Variants in MRPS5 observed in about 807,000 individuals in gnomAD.
The protein encoded by MRPS5 is mitochondrial ribosomal protein S5.
In MRPS5, 27 loss-of-function variants were observed where a neutral mutation model predicts 51.9. That is an observed-to-expected ratio of 0.52 (90% CI 0.38 to 0.72). The LOEUF (loss-of-function observed/expected upper bound fraction) is 0.72, where lower values mean the gene tolerates loss of function less well. MRPS5 is among the 30% of genes least tolerant of loss of function. The pLI is 0.00. For synonymous variants in MRPS5, 196 were observed against 193.2 expected (o/e 1.01, Z -0.12); for missense variants, 570 against 545.7 (o/e 1.04, Z -0.44).
intron 1 of MRPS5, among the ~76,000 whole-genome samples, chr2:95,121,247 C>G (rs1676438554): frequency 6.6e-6 from 1 of 152,240 alleles, no homozygotes; most frequent in Non-Finnish European, 1.5e-5. Flanking sequence ...TTAAAATACA[C>G]ATATTCGGGC....
chr2:95,111,010 G>C (rs1676102095), intron 3 of MRPS5, among the ~76,000 whole-genome samples: 1 of 152,106 alleles, frequency 6.6e-6, no homozygotes, highest in Admixed American at 6.5e-5. Flanking sequence ...TGATCCTCCA[G>C]GTAGATAACA....
chr2:95,115,440 A>G (rs1302855229), intron 2 of MRPS5, among the ~76,000 whole-genome samples: 1 of 152,190 alleles, frequency 6.6e-6, no homozygotes, highest in South Asian at 2.1e-4. Context: ...TGGGTAAAGA[A>G]AGAAGCAGAT....
chr2:95,104,609 CGCCACT>C (rs750177836), intron 7 of MRPS5, 25 bp downstream of exon 7: 1 of 1,609,312 alleles, frequency 6.2e-7, no homozygotes. Flanking sequence ...TGCACACCAC[CGCCACT>C]GTGATGCCAT....
intron 6 of MRPS5, among the ~76,000 whole-genome samples, chr2:95,106,212 C>A (rs1315996933): frequency 2.0e-5 from 3 of 152,194 alleles, no homozygotes; most frequent in Admixed American, 6.5e-5. Context: ...TCAGTGGTAG[C>A]TCCCCGCCCC....
chr2:95,094,523 A>G (rs1675563760), intron 10 of MRPS5, among the ~76,000 whole-genome samples: 2 of 152,240 alleles, frequency 1.3e-5, no homozygotes. Flanking sequence ...CCATCAGACT[A>G]ACAGCGGATC....
intron 11 of MRPS5, among the ~76,000 whole-genome samples, chr2:95,088,882 C>A (rs1194237057): frequency 6.6e-6 from 1 of 152,164 alleles, no homozygotes; most frequent in Non-Finnish European, 1.5e-5. Flanking sequence ...GCCTGACCAA[C>A]ATGGTGAAAC....
At chr2:95,105,763 T>C (rs1675930975) in intron 6 of MRPS5, among the ~76,000 whole-genome samples, 1 of 152,166 alleles carries the variant, frequency 6.6e-6, no homozygotes, top group Non-Finnish European at 1.5e-5. Context: ...ACCAAAGACA[T>C]AATATGTGTA....
intron 10 of MRPS5, chr2:95,092,188 T>C (rs1244567080): frequency 1.3e-5 from 2 of 152,238 alleles, no homozygotes; most frequent in Admixed American, 1.3e-4. Flanking sequence ...TTTGACTACC[T>C]TCCAGGCACA....
At chr2:95,104,569 C>T (rs1675894326) in intron 7 of MRPS5, 71 bp downstream of exon 7, 2 of 1,523,126 alleles carry the variant, frequency 1.3e-6, no homozygotes, top group Non-Finnish European at 9.1e-7. Context: ...CCCATGGGCT[C>T]CACAGCATGG....
intron 5 of MRPS5, 29 bp from the exon 6 acceptor site, chr2:95,106,486 G>A (rs1388737975): frequency 6.3e-7 from 1 of 1,580,778 alleles, no homozygotes; most frequent in East Asian, 2.2e-5. Flanking sequence ...CAGGGATACA[G>A]ATGAAATGTG....
rs773067758 is a variant in MRPS5, at chr2:95,108,372, G to C, written c.440C>G (p.Pro147Arg). 3.7e-6 allele frequency: 6 copies of C among 1,614,000 alleles called. No individual in the cohort carries two copies. Among genetic ancestry groups the C allele is most frequent in the East Asian group, 4.5e-5 (2 of 44,898 alleles). ...CTGCACTGCTCCATTTTTCATAAGAGGGACATTCAGTCCGGGCCATAGAAA... is the reference window on the plus strand; with the variant it reads ...CTGCACTGCTCCATTTTTCATAAGACGGACATTCAGTCCGGGCCATAGAAA... ...YGFLWPGLNV[P>R]LMKNGAVQTI... Residue 147 changes from proline to arginine, a missense_variant, in exon 5 of 12, where the codon CCT (proline) becomes CGT (arginine). Transcript: ENST00000272418.
chr2:95,120,643 T>C (rs757514265), intron 1 of MRPS5, among the ~76,000 whole-genome samples: 1 of 152,208 alleles, frequency 6.6e-6, no homozygotes, highest in Non-Finnish European at 1.5e-5. Context: ...CCAGGTGATA[T>C]GGGTGCAAAA....
chr2:95,101,170 G>A (rs1021936183), intron 8 of MRPS5, among the ~76,000 whole-genome samples: 8 of 152,048 alleles, frequency 5.3e-5, no homozygotes, highest in African/African-American at 1.9e-4. Flanking sequence ...AATCACTTGA[G>A]ATCAGGAGTT....
At chr2:95,108,072 G>A (rs1425876660) in intron 5 of MRPS5, 103 bp downstream of exon 5, 6 of 952,562 alleles carry the variant, frequency 6.3e-6, no homozygotes, top group Non-Finnish European at 9.7e-6. Context: ...ATCTTTTTTG[G>A]AAAAAGGTAG....
chr2:95,099,249 A>C (rs966892029), intron 10 of MRPS5, among the ~76,000 whole-genome samples: 3 of 151,894 alleles, frequency 2.0e-5, no homozygotes, highest in African/African-American at 7.3e-5. Flanking sequence ...AAAAAAAAAA[A>C]GTTGTAGCAG....
chr2:95,108,764 A>G (rs370761844), intron 4 of MRPS5, among the ~76,000 whole-genome samples: 1 of 152,242 alleles, frequency 6.6e-6, no homozygotes, highest in Admixed American at 6.5e-5. Flanking sequence ...CTAAATCAAA[A>G]GAACAAGGTA....
chr2:95,086,608 G>T lies in MRPS5; in HGVS notation c.*749C>A, dbSNP rs913069271. On this transcript the variant is annotated 3_prime_UTR_variant, in exon 12 of 12. Transcript: ENST00000272418. ...GTGTCCCAGAAAGAGGATGTGGGTGGGGCAGAAAGAGTATGCAAAGAAATA... is the reference window on the plus strand; with the variant it reads ...GTGTCCCAGAAAGAGGATGTGGGTGTGGCAGAAAGAGTATGCAAAGAAATA... 6.6e-6 allele frequency among the ~76,000 whole-genome samples: 1 copy of T among 151,968 alleles called. No homozygotes were observed. The highest frequency in any genetic ancestry group is 2.4e-5 in the African/African-American group (1 of 41,346).
chr2:95,101,707 T>C lies in MRPS5; in HGVS notation c.780A>G (p.Lys260=). 6.3e-7 allele frequency: 1 copy of C among 1,599,730 alleles called. No homozygotes were observed. Among genetic ancestry groups the C allele is most frequent in the East Asian group, 2.2e-5 (1 of 44,714 alleles). The change falls in exon 8 of 12, where the codon AAA becomes AAG. Residue 260 remains lysine (K), a synonymous_variant. Transcript: ENST00000272418. ...TGAAAGCATCCATCCGATCAGTAGCTTTCCCAATAGAAAAACCTTTAAACA... is the reference window on the plus strand; with the variant it reads ...TGAAAGCATCCATCCGATCAGTAGCCTTCCCAATAGAAAAACCTTTAAACA... ...GKGAAGFSIG[K]ATDRMDAFRK...
At chr2:95,097,015 A>G (rs1354215854) in intron 10 of MRPS5, among the ~76,000 whole-genome samples, 1 of 152,202 alleles carries the variant, frequency 6.6e-6, no homozygotes, top group African/African-American at 2.4e-5. Context: ...ATCAATGTGC[A>G]AAAATCACAA....
Sources: allele counts gnomAD v4.1 joint callset (sites outside exome capture counted in the v4.1 genomes callset), GRCh38; gene constraint gnomAD v4.1.1; transcripts MANE v1.5; gene names NCBI Gene and HGNC (gene_info 2026-07-23, HGNC 2026-07-21).